COX7B2: variants seen among roughly 807,000 people sequenced by gnomAD.
COX7B2 encodes cytochrome c oxidase subunit 7B2.
For missense variants in COX7B2, 109 were observed against 95.9 expected (o/e 1.14, Z -0.57); for synonymous variants, 37 against 32.1 (o/e 1.15, Z -0.51).
chr4:46,801,230 T>G (rs1718638853), intron 2 of COX7B2, among the ~76,000 whole-genome samples: 1 of 152,108 alleles, frequency 6.6e-6, no homozygotes, highest in African/African-American at 2.4e-5. Context: ...ATCCTAATAC[T>G]GGGTATATAT....
At chr4:46,739,343 CCAAAA>C (rs372769147) in intron 2 of COX7B2, among the ~76,000 whole-genome samples, 2,207 of 151,404 alleles carry the variant, frequency 0.015, 31 homozygotes, top group Middle Eastern at 0.037. Context: ...CCAAACCAAA[CCAAAA>C]CAAAACAAAA....
intron 1 of COX7B2, among the ~76,000 whole-genome samples, chr4:46,906,489 T>C (rs976246754): frequency 2.6e-5 from 4 of 152,260 alleles, no homozygotes; most frequent in Admixed American, 2.0e-4. Flanking sequence ...TGTTCTTAGC[T>C]ATGTAATCAA....
At chr4:46,859,347 A>G (rs1717204751) in intron 1 of COX7B2, among the ~76,000 whole-genome samples, 1 of 152,128 alleles carries the variant, frequency 6.6e-6, no homozygotes, top group Admixed American at 6.5e-5. Context: ...ACTAGGTCCT[A>G]TTGAAAGGAG....
At position 46,883,776 on chromosome 4, in the gene COX7B2, T is replaced by TAA. The variant is rs112798647; in HGVS notation, c.-105+25382_-105+25383dup. Among the ~76,000 whole-genome samples the TAA allele has an allele frequency of 2.1e-3, 300 of 145,130 alleles. 4 individuals carry two copies. Among genetic ancestry groups the TAA allele is most frequent in the Admixed American group, 0.016 (240 of 14,686 alleles). On this transcript the variant is annotated intron_variant, in intron 1 of 2. Coordinates refer to ENST00000355591, the MANE Select transcript of COX7B2 (RefSeq NM_130902.3). The stretch of plus-strand genomic sequence containing the variant: ...TCTTCTATTAATCAGAATAAACCTT[T>TAA]AAAAAAAAAAAAACCTGAACATTAA...
chr4:46,765,584 G>A (rs538253588), intron 2 of COX7B2, among the ~76,000 whole-genome samples: 1 of 152,008 alleles, frequency 6.6e-6, no homozygotes, highest in South Asian at 2.1e-4. Context: ...TGGCCCAACA[G>A]CAGACAATCC....
intron 1 of COX7B2, among the ~76,000 whole-genome samples, chr4:46,896,406 A>T (rs1719764085): frequency 6.6e-6 from 1 of 152,214 alleles, no homozygotes; most frequent in African/African-American, 2.4e-5. Context: ...ATACCCAATA[A>T]ATGCAATAAA....
At chr4:46,762,245 A>G (rs1348423919) in intron 2 of COX7B2, among the ~76,000 whole-genome samples, 2 of 141,850 alleles carry the variant, frequency 1.4e-5, no homozygotes, top group African/African-American at 5.2e-5. Flanking sequence ...TAAATATATT[A>G]TATATTTAAT....
chr4:46,899,293 A>C (rs909486546), intron 1 of COX7B2, among the ~76,000 whole-genome samples: 2 of 152,208 alleles, frequency 1.3e-5, no homozygotes, highest in Non-Finnish European at 2.9e-5. Flanking sequence ...TTATTTGAAA[A>C]AGTGTCACAG....
chr4:46,832,924 A>G (rs1486059959), intron 2 of COX7B2, among the ~76,000 whole-genome samples: 1 of 149,816 alleles, frequency 6.7e-6, no homozygotes, highest in Non-Finnish European at 1.5e-5. Flanking sequence ...TTCTTTTTTG[A>G]GATGGAGTCT....
chr4:46,753,011 C>G (rs1263307298), intron 2 of COX7B2, among the ~76,000 whole-genome samples: 1 of 152,092 alleles, frequency 6.6e-6, no homozygotes, highest in Admixed American at 6.6e-5. Flanking sequence ...CCTCCTTGTA[C>G]CTCTGGTAGA....
At chr4:46,806,457 G>T (rs1421115234) in intron 2 of COX7B2, among the ~76,000 whole-genome samples, 1 of 151,946 alleles carries the variant, frequency 6.6e-6, no homozygotes, top group South Asian at 2.1e-4. Context: ...GATATAATAT[G>T]ATATTATGAG....
chr4:46,850,152 T>G (rs538044409), intron 1 of COX7B2, among the ~76,000 whole-genome samples: 2 of 149,532 alleles, frequency 1.3e-5, no homozygotes, highest in African/African-American at 5.1e-5. Flanking sequence ...GATTTAAAAA[T>G]GATTTAAAAA....
chr4:46,887,194 T>C (rs1216907020), intron 1 of COX7B2, among the ~76,000 whole-genome samples: 1 of 152,222 alleles, frequency 6.6e-6, no homozygotes, highest in African/African-American at 2.4e-5. Context: ...CATTTTCATG[T>C]ACATTTTCCA....
intron 1 of COX7B2, chr4:46,903,902 A>G (rs896994046): frequency 1.3e-5 from 2 of 152,204 alleles, no homozygotes; most frequent in African/African-American, 2.4e-5. Context: ...CAGAACATAT[A>G]TCCTTGCTGT....
chr4:46,835,679 C>G (rs1468459519), intron 2 of COX7B2, among the ~76,000 whole-genome samples: 2 of 152,232 alleles, frequency 1.3e-5, no homozygotes, highest in Non-Finnish European at 1.5e-5. Flanking sequence ...GAGCCACAAG[C>G]TTTTTCAATA....
intron 2 of COX7B2, among the ~76,000 whole-genome samples, chr4:46,820,396 T>G (rs1320478214): frequency 1.3e-5 from 2 of 152,128 alleles, no homozygotes; most frequent in African/African-American, 2.4e-5. Context: ...TAAATATAGA[T>G]GAAGCCTCAC....
At chr4:46,739,377 G>C (rs1714568576) in intron 2 of COX7B2, among the ~76,000 whole-genome samples, 1 of 151,798 alleles carries the variant, frequency 6.6e-6, no homozygotes, top group Non-Finnish European at 1.5e-5. Context: ...AACCAAGCTG[G>C]TTACCAGAGA....
chr4:46,751,514 C>T (rs28478737), intron 2 of COX7B2, among the ~76,000 whole-genome samples: 50,988 of 151,894 alleles, frequency 0.34, 8,770 homozygotes, highest in South Asian at 0.47. Context: ...AACTCAAGTA[C>T]ATATTGAAAT....
intron 1 of COX7B2, among the ~76,000 whole-genome samples, chr4:46,852,999 A>G (rs1020311222): frequency 4.6e-5 from 7 of 152,202 alleles, no homozygotes; most frequent in Admixed American, 3.3e-4. Flanking sequence ...TTAGGCATAC[A>G]TTATAGTGCT....
Sources: gnomAD v4.1 joint callset for allele counts (sites outside exome capture counted in the v4.1 genomes callset) on GRCh38, gnomAD v4.1.1 for gene constraint, MANE v1.5 for transcripts, NCBI Gene and HGNC (gene_info 2026-07-23, HGNC 2026-07-21) for gene names.